The following TASP1 variants were observed in gnomAD, a reference collection of about 807,000 sequenced individuals.
TASP1 encodes the protein taspase 1, also known as threonine aspartase 1.
In TASP1, 16 loss-of-function variants were observed where a neutral mutation model predicts 56.6. That is an observed-to-expected ratio of 0.28 (90% confidence interval 0.19 to 0.43). The LOEUF is 0.43. Among genes scored for constraint, TASP1 ranks in the 20% least tolerant of loss-of-function variants. TASP1 has a pLI of 1.00. For missense variants in TASP1, 393 were observed against 511.6 expected, an observed-to-expected ratio of 0.77 and a Z score of 2.24; for synonymous variants, 179 against 184.2, an observed-to-expected ratio of 0.97 and a Z score of 0.23.
the TASP1 span, among the ~76,000 whole-genome samples, chr20:13,115,332 A>G: frequency 6.6e-6 from 1 of 152,278 alleles, no homozygotes; most frequent in South Asian, 2.1e-4. Flanking sequence ...CATTAACTCC[A>G]AAAGTCAGCA....
rs117787181 is a variant in TASP1, at chr20:13,594,312, G to A, written c.283-6942C>T. Among the ~76,000 whole-genome samples, 1,192 of 152,280 alleles carry A rather than the reference G, an allele frequency of 7.8e-3. 4 individuals carry two copies. Among genetic ancestry groups the A allele is most frequent in the Non-Finnish European group, 0.012 (831 of 68,032 alleles). Reference sequence around the variant, plus strand: ...AACTGAATATTCTAAAAACCAGAGCGCCTCTTCTCCAAAGGATCACAGCTC... The same window carrying A: ...AACTGAATATTCTAAAAACCAGAGCACCTCTTCTCCAAAGGATCACAGCTC... On this transcript the variant is annotated intron_variant, in intron 4 of 13. Transcript: ENST00000337743.
At chr20:13,621,820 C>T (rs1041486661) in intron 4 of TASP1, among the ~76,000 whole-genome samples, 5 of 152,244 alleles carry the variant, frequency 3.3e-5, no homozygotes, top group African/African-American at 1.2e-4. Context: ...TTCAGTTTTG[C>T]ATTCATAGTT....
intron 3 of TASP1, among the ~76,000 whole-genome samples, 186 bp from the exon 4 acceptor site, chr20:13,623,700 T>C (rs541655712): frequency 5.9e-5 from 9 of 152,212 alleles, no homozygotes; most frequent in Non-Finnish European, 1.3e-4. Flanking sequence ...TAATTGGTAA[T>C]ATGGCTCACT....
intron 13 of TASP1, among the ~76,000 whole-genome samples, chr20:13,403,082 C>T (rs539905693): frequency 2.0e-5 from 3 of 152,284 alleles, no homozygotes; most frequent in African/African-American, 7.2e-5. Context: ...AGCTCCTTTG[C>T]CACCATTTTG....
the TASP1 span, among the ~76,000 whole-genome samples, chr20:13,307,669 G>A: frequency 2.0e-5 from 3 of 152,060 alleles, no homozygotes; most frequent in African/African-American, 4.8e-5. Context: ...TTTGACCTTC[G>A]GGTAAATGGA....
chr20:13,237,348 T>G, the TASP1 span, among the ~76,000 whole-genome samples: 1 of 152,122 alleles, frequency 6.6e-6, no homozygotes, highest in Non-Finnish European at 1.5e-5. Context: ...CCCAATGCCA[T>G]CAACAGAATG....
At chr20:13,375,342 T>C in the TASP1 span, among the ~76,000 whole-genome samples, 1,154 of 152,212 alleles carry the variant, frequency 7.6e-3, 8 homozygotes, top group South Asian at 0.016. Flanking sequence ...TGTTTGGTTT[T>C]CTGTTCCTGT....
the TASP1 span, among the ~76,000 whole-genome samples, chr20:13,180,844 C>T: frequency 6.6e-6 from 1 of 152,248 alleles, no homozygotes; most frequent in East Asian, 1.9e-4. Flanking sequence ...GTGAGATGCT[C>T]ATGTTCTGGC....
chr20:13,397,013 C>T (rs1320030857), intron 13 of TASP1, among the ~76,000 whole-genome samples: 3 of 152,220 alleles, frequency 2.0e-5, no homozygotes, highest in Non-Finnish European at 2.9e-5. Flanking sequence ...TGACACCACA[C>T]TTCAGTCAGA....
chr20:13,152,239 T>A, the TASP1 span, among the ~76,000 whole-genome samples: 1 of 152,152 alleles, frequency 6.6e-6, no homozygotes, highest in Admixed American at 6.6e-5. Context: ...ACTAATTTGG[T>A]TGTTGTGATG....
intron 12 of TASP1, among the ~76,000 whole-genome samples, chr20:13,427,206 T>A (rs1421957902): frequency 6.6e-6 from 1 of 152,234 alleles, no homozygotes; most frequent in Admixed American, 6.5e-5. Context: ...CAAAAGGCGG[T>A]TTGGAATTTT....
At chr20:13,306,650 C>T in the TASP1 span, among the ~76,000 whole-genome samples, 1 of 150,800 alleles carries the variant, frequency 6.6e-6, no homozygotes, top group Non-Finnish European at 1.5e-5. Context: ...AAGTCACTCA[C>T]TCTCTGTGTT....
intron 8 of TASP1, among the ~76,000 whole-genome samples, chr20:13,554,075 C>A (rs1163922180): frequency 6.6e-6 from 1 of 152,178 alleles, no homozygotes; most frequent in East Asian, 1.9e-4. Context: ...TCTTTGCCAT[C>A]CTGCCTTACT....
chr20:13,630,869 T>C (rs2049062556), intron 1 of TASP1, among the ~76,000 whole-genome samples: 1 of 152,114 alleles, frequency 6.6e-6, no homozygotes, highest in Admixed American at 6.6e-5. Context: ...GTTAGTTGCT[T>C]TATAAGCACA....
At chr20:13,567,436 G>A (rs2046571516) in intron 7 of TASP1, among the ~76,000 whole-genome samples, 1 of 151,924 alleles carries the variant, frequency 6.6e-6, no homozygotes, top group Admixed American at 6.6e-5. Flanking sequence ...TTAAAAAATA[G>A]GTATTCGGAA....
the TASP1 span, chr20:13,126,755 T>C: frequency 1.2e-6 from 2 of 1,609,836 alleles, no homozygotes; most frequent in South Asian, 1.1e-5. Context: ...CCTGGACCTC[T>C]CTGTCTCCCT....
intron 11 of TASP1, among the ~76,000 whole-genome samples, chr20:13,456,454 G>A (rs1272262726): frequency 2.0e-5 from 3 of 151,922 alleles, no homozygotes; most frequent in Non-Finnish European, 4.4e-5. Flanking sequence ...CTTTTTGTTT[G>A]CTATCCTAAA....
At chr20:13,438,287 G>A (rs1018509971) in intron 11 of TASP1, among the ~76,000 whole-genome samples, 5 of 152,168 alleles carry the variant, frequency 3.3e-5, no homozygotes, top group Non-Finnish European at 7.3e-5. Context: ...AAACAGCATG[G>A]TACTGGTACC....
At chr20:13,614,349 C>A (rs550709634) in intron 4 of TASP1, among the ~76,000 whole-genome samples, 33 of 151,544 alleles carry the variant, frequency 2.2e-4, no homozygotes, top group Admixed American at 1.1e-3. Context: ...AACCCTCACA[C>A]AACAACATAC....
Sources: allele counts gnomAD v4.1 joint callset (sites outside exome capture counted in the v4.1 genomes callset), GRCh38; gene constraint gnomAD v4.1.1; transcripts MANE v1.5; gene names NCBI Gene and HGNC (gene_info 2026-07-23, HGNC 2026-07-21).